WDR33: variants seen among roughly 807,000 people sequenced by gnomAD.
WDR33 encodes WD repeat domain 33.
A neutral mutation model predicts 164.9 loss-of-function variants in WDR33; 47 were observed. The observed-to-expected ratio is 0.29, with a 90% CI of 0.23 to 0.36. The LOEUF (loss-of-function observed/expected upper bound fraction) is 0.36. Ranked by LOEUF, WDR33 falls within the 10% of genes least tolerant of loss-of-function variation. The pLI is 1.00. For synonymous variants in WDR33, 505 were observed against 589.0 expected, an observed-to-expected ratio of 0.86 and a Z score of 2.06; for missense variants, 1,137 against 1,754.1, an observed-to-expected ratio of 0.65 and a Z score of 6.28.
In WDR33 at chr2:127,706,559, C is replaced by G. The variant is rs1558916764; in HGVS notation, c.3782-7G>C. The G allele has an allele frequency of 3.2e-6, 5 of 1,585,234 alleles. No individual in the cohort carries two copies. The highest frequency in any genetic ancestry group is 2.0e-5 in the Admixed American group (1 of 51,078). On this transcript the variant is annotated splice_polypyrimidine_tract_variant and splice_region_variant and intron_variant, in intron 21 of 21. Coordinates refer to ENST00000322313, the MANE Select transcript of WDR33 (RefSeq NM_018383.5). This position sits in a 1 kb window ranked among gnomAD's most constrained non-coding sequence, Gnocchi z 5.1. Reference sequence around the variant, plus strand: ...GGTCCTGGGCCCCCTCGGCCTGAAACAAAGAAAATTTCACATGGGACTTTT... The same window carrying G: ...GGTCCTGGGCCCCCTCGGCCTGAAAGAAAGAAAATTTCACATGGGACTTTT...
In WDR33 at chr2:127,771,164, C is replaced by T. The variant is rs10174818; in HGVS notation, c.-23-160G>A. Among the ~76,000 whole-genome samples, 1,068 of 152,248 alleles carry T rather than the reference C, an allele frequency of 7.0e-3. 10 individuals carry two copies. The highest frequency in any genetic ancestry group is 0.024 in the African/African-American group (1,014 of 41,532). On this transcript the variant is annotated intron_variant, in intron 1 of 21. Transcript: ENST00000322313. ...CAGTCATGAGTCACTTAACAACGGG[C>T]GTATGTTCTCAGAGATGCATCCTTA... is the stretch of plus-strand genomic sequence containing the variant.
intron 1 of WDR33, among the ~76,000 whole-genome samples, chr2:127,780,195 G>C (rs1273465483): frequency 1.3e-5 from 2 of 152,004 alleles, no homozygotes; most frequent in Admixed American, 6.6e-5. Context: ...GGATGGTCTC[G>C]ATCTCCTGAC....
chr2:127,740,104 C>T (rs184498962), intron 7 of WDR33, among the ~76,000 whole-genome samples: 1 of 152,144 alleles, frequency 6.6e-6, no homozygotes, highest in Non-Finnish European at 1.5e-5. Flanking sequence ...TAAGGTAATA[C>T]TTTTAATGTA....
At chr2:127,769,092 T>C (rs1284912455) in intron 2 of WDR33, 91 bp from the exon 3 acceptor site, 2 of 722,986 alleles carry the variant, frequency 2.8e-6, no homozygotes, top group African/African-American at 1.9e-5. Flanking sequence ...ATTAACAAAA[T>C]GTAAGCTATA....
At chr2:127,707,706 C>A (rs1050079226) in intron 21 of WDR33, among the ~76,000 whole-genome samples, 4 of 152,146 alleles carry the variant, frequency 2.6e-5, no homozygotes, top group Non-Finnish European at 5.9e-5. Flanking sequence ...AATGGCAGGC[C>A]AGGCATGGTG....
chr2:127,800,403 G>C (rs760561488), intron 1 of WDR33, among the ~76,000 whole-genome samples: 1 of 152,062 alleles, frequency 6.6e-6, no homozygotes, highest in Non-Finnish European at 1.5e-5. Flanking sequence ...GGGAGGCCGC[G>C]GCAGGCGGAT....
Position 127,713,702 on chromosome 2 carries a change from C to A in WDR33, c.3189G>T (p.Glu1063Asp), listed in dbSNP as rs1686234644. The A allele has an allele frequency of 6.2e-7, 1 of 1,614,246 alleles. No homozygotes were observed. Among genetic ancestry groups the A allele is most frequent in the Non-Finnish European group, 8.5e-7 (1 of 1,180,016 alleles). Residue 1063 changes from glutamate (E) to aspartate (D), a missense_variant, in exon 18 of 22, where the codon GAG becomes GAT. By Grantham distance (45) the Glu-to-Asp change is conservative. Transcript: ENST00000322313. The surrounding 1 kb of genome is among the most constrained non-coding windows in gnomAD (Gnocchi z 6.2). ...PFPPDHREFS[E>D]GDGRGAARGP... is the part of the protein sequence containing the mutation. Reference sequence around the variant, plus strand: ...CTCGGGCTGCACCCCGGCCATCCCCCTCGCTGAATTCCCTGTGATCAGGGG... The same window carrying A: ...CTCGGGCTGCACCCCGGCCATCCCCATCGCTGAATTCCCTGTGATCAGGGG...
intron 7 of WDR33, among the ~76,000 whole-genome samples, chr2:127,727,962 T>C (rs539740185): frequency 6.6e-5 from 10 of 152,256 alleles, no homozygotes; most frequent in African/African-American, 2.2e-4. Context: ...ACAATTTGGG[T>C]CTCAAATGGA....
rs1558916310 is a variant in WDR33, at chr2:127,705,909, AC to A, written c.*413del. The A allele has an allele frequency of 6.0e-6, 1 of 166,166 alleles. No individual in the cohort carries two copies. The highest frequency in any genetic ancestry group is 1.3e-5 in the Non-Finnish European group (1 of 77,936). 10.3% of individuals were successfully genotyped at this position (166,166 alleles called of 1,614,324 possible). Reference sequence around the variant, plus strand: ...GTTTCCTTAAGGCAAGCACTTCACAACTAGTTTTCTGTCAATTCTTGCGTAA... The same window carrying A: ...GTTTCCTTAAGGCAAGCACTTCACAATAGTTTTCTGTCAATTCTTGCGTAA... On this transcript the variant is annotated 3_prime_UTR_variant, in exon 22 of 22. Transcript: ENST00000322313. The surrounding 1 kb of genome is among the most constrained non-coding windows in gnomAD (Gnocchi z 4.5).
intron 7 of WDR33, among the ~76,000 whole-genome samples, chr2:127,749,638 G>A (rs1687260035): frequency 6.7e-6 from 1 of 150,046 alleles, no homozygotes; most frequent in Admixed American, 6.6e-5. Flanking sequence ...CTCCAGCCTG[G>A]GCAACAGAGT....
chr2:127,795,102 CTTTT>C (rs552910693), intron 1 of WDR33, among the ~76,000 whole-genome samples: 4 of 131,110 alleles, frequency 3.1e-5, no homozygotes, highest in Admixed American at 7.8e-5. Context: ...AATAACTTCT[CTTTT>C]TTTTTTTTTT....
rs1220888579 is a variant in WDR33, at chr2:127,711,770, A to ATTTTTTTTTTTTTTT, written c.3308+1812_3308+1813insAAAAAAAAAAAAAAA. ...TATACAGATATATATATATATATATATATATATATATTTTTTTTTTGAGAC... is the reference window on the plus strand; with the variant it reads ...TATACAGATATATATATATATATATATTTTTTTTTTTTTTTTATATATATATTTTTTTTTTGAGAC... On this transcript the variant is annotated intron_variant, in intron 18 of 21. Coordinates refer to ENST00000322313, the MANE Select transcript of WDR33 (RefSeq NM_018383.5). Among the ~76,000 whole-genome samples, 102 of 77,850 alleles carry ATTTTTTTTTTTTTTT rather than the reference A, an allele frequency of 1.3e-3. 2 individuals are homozygous for ATTTTTTTTTTTTTTT. Among genetic ancestry groups the ATTTTTTTTTTTTTTT allele is most frequent in the Middle Eastern group, 0.017 (2 of 116 alleles). The allele number at this position is 77,850 out of a possible 152,430, so 51.1% of individuals were successfully genotyped here.
chr2:127,717,083 A>G lies in WDR33; in HGVS notation c.2869+72T>C. 6.7e-7 allele frequency: 1 copy of G among 1,490,980 alleles called. No homozygotes were observed. The highest frequency in any genetic ancestry group is 9.2e-7 in the Non-Finnish European group (1 of 1,091,602). 92.4% of individuals were successfully genotyped at this position (1,490,980 alleles called of 1,614,324 possible). On this transcript the variant is annotated intron_variant, in intron 17 of 21. Transcript: ENST00000322313. This position sits in a 1 kb window ranked among gnomAD's most constrained non-coding sequence, Gnocchi z 5.6. ...ACCAGTCTATCAATGACTGGCCAAC[A>G]AAATTATTCACTGTAAAATGTGCAC... is the stretch of plus-strand genomic sequence containing the variant.
rs768116448 is a variant in WDR33, at chr2:127,706,368, G to T, written c.3966C>A (p.Gly1322=). 6.9e-6 allele frequency: 11 copies of T among 1,605,676 alleles called. No individual in the cohort carries two copies. The highest frequency in any genetic ancestry group is 1.3e-5 in the African/African-American group (1 of 74,630). Residue 1322 remains glycine (G), a synonymous_variant, in exon 22 of 22, where the codon GGC becomes GGA. Transcript: ENST00000322313. This position sits in a 1 kb window ranked among gnomAD's most constrained non-coding sequence, Gnocchi z 5.1. ...CCCGTGAAGCTCCTCGCCTCGGCGG[G>T]CCAGAGTTCATGTTACTCCCTCTAC... The part of the protein sequence containing the change: ...NWGRGSNMNS[G]PPRRGASRGG...
Position 127,770,913 on chromosome 2 carries a change from T to C in WDR33, c.69A>G (p.Arg23=). The part of the protein sequence containing the change: ...HMPRFQHQAP[R]QLFYKRPDFA... ...AATCAGGTCGCTTATAAAACAGCTG[T>C]CGAGGTGCCTGGTGCTGGAACCTTG... The change falls in exon 2 of 22, where the codon CGA becomes CGG. Residue 23 remains arginine (R), a synonymous_variant. Transcript: ENST00000322313. This position sits in a 1 kb window ranked among gnomAD's most constrained non-coding sequence, Gnocchi z 4.9. 1 of 1,614,086 alleles carries C rather than the reference T, an allele frequency of 6.2e-7. No individual in the cohort carries two copies. Among genetic ancestry groups the C allele is most frequent in the Non-Finnish European group, 8.5e-7 (1 of 1,179,994 alleles).
At position 127,701,570 on chromosome 2, in the gene WDR33, G is replaced by C; in HGVS notation, c.*4753C>G. On this transcript the variant is annotated 3_prime_UTR_variant, in exon 22 of 22. Transcript: ENST00000322313. The stretch of plus-strand genomic sequence containing the variant: ...GCCAGCTGCAGGAGTACCTGGCGCA[G>C]GGGAAAGCTGGCGGCCCGGCGGCCG... 7.3e-7 allele frequency: 1 copy of C among 1,365,848 alleles called. No homozygotes were observed. The highest frequency in any genetic ancestry group is 1.5e-5 in the African/African-American group (1 of 66,008). 84.6% of individuals were successfully genotyped at this position (1,365,848 alleles called of 1,614,324 possible).
rs1686353707 is a variant in WDR33, at chr2:127,718,755, G to C, written c.2760+510C>G. On this transcript the variant is annotated intron_variant, in intron 16 of 21. Transcript: ENST00000322313. The surrounding 1 kb of genome is among the most constrained non-coding windows in gnomAD (Gnocchi z 4.4). ...CTATTCACTGTAATAAACAGAGTGA[G>C]GTACAGAGTCTATAGTATACTCATG... 6.6e-6 allele frequency among the ~76,000 whole-genome samples: 1 copy of C among 152,164 alleles called. No individual in the cohort carries two copies. Among genetic ancestry groups the C allele is most frequent in the Non-Finnish European group, 1.5e-5 (1 of 68,024 alleles).
Position 127,722,858 on chromosome 2 carries a change from CAACAT to C in WDR33, c.1378+95_1378+99del. ...TTATATAATTTTTATCAACATTTCTCAACATAAATCATTTTGGTATTTCAATATAT... is the reference window on the plus strand; with the variant it reads ...TTATATAATTTTTATCAACATTTCTCAAATCATTTTGGTATTTCAATATAT... On this transcript the variant is annotated intron_variant, in intron 13 of 21. Transcript: ENST00000322313. The surrounding 1 kb of genome is among the most constrained non-coding windows in gnomAD (Gnocchi z 5.1). 7.1e-7 allele frequency: 1 copy of C among 1,401,648 alleles called. No individual in the cohort carries two copies. Among genetic ancestry groups the C allele is most frequent in the Non-Finnish European group, 9.6e-7 (1 of 1,038,342 alleles). The allele number at this position is 1,401,648 out of a possible 1,614,324, so 86.8% of individuals were successfully genotyped here.
chr2:127,802,273 A>T (rs552206360), intron 1 of WDR33, among the ~76,000 whole-genome samples: 1 of 152,216 alleles, frequency 6.6e-6, no homozygotes, highest in Non-Finnish European at 1.5e-5. Flanking sequence ...CTTTCTTCTA[A>T]GAATGTGAAA....
Sources: allele counts gnomAD v4.1 joint callset (sites outside exome capture counted in the v4.1 genomes callset), GRCh38; gene constraint gnomAD v4.1.1; non-coding constraint Gnocchi (gnomAD v3.1); transcripts MANE v1.5; gene names NCBI Gene and HGNC (gene_info 2026-07-23, HGNC 2026-07-21).